AGPAT3: variants seen among roughly 807,000 people sequenced by gnomAD.
AGPAT3 encodes 1-acylglycerol-3-phosphate O-acyltransferase 3.
Under a neutral mutation model 47.3 loss-of-function variants are expected in AGPAT3, and 5 were observed. The observed-to-expected ratio is 0.11, with a 90% confidence interval of 0.06 to 0.22. The LOEUF (loss-of-function observed/expected upper bound fraction) is 0.22. AGPAT3 is among the 10% of genes least tolerant of loss of function. The probability of loss-of-function intolerance (pLI) is 1.00; values close to 1 mark genes in which losing one functional copy is unlikely to be tolerated. For missense variants in AGPAT3, 315 were observed against 493.0 expected (o/e 0.64, Z 3.42); for synonymous variants, 212 against 208.3 (o/e 1.02, Z -0.15).
intron 1 of AGPAT3, chr21:43,867,450 C>T (rs1018664601): frequency 5.9e-5 from 9 of 152,310 alleles, no homozygotes; most frequent in Non-Finnish European, 1.0e-4. Flanking sequence ...GAGGGGTGTC[C>T]TTAACTTGCC....
chr21:43,918,719 G>A (rs1323373939), intron 2 of AGPAT3, among the ~76,000 whole-genome samples: 1 of 151,926 alleles, frequency 6.6e-6, no homozygotes, highest in Non-Finnish European at 1.5e-5. Flanking sequence ...TGGAATTACA[G>A]GCGTGCGCCA....
rs1008594350 is a variant in AGPAT3, at chr21:43,987,199, C to A, written c.*4807C>A. ...CTGCATAGATGTCTCCAAGGGGAAA[C>A]CAGGGCCACCAGGCACTCCTGTCCC... On this transcript the variant is annotated 3_prime_UTR_variant, in exon 10 of 10. Coordinates refer to ENST00000291572, the MANE Select transcript of AGPAT3 (RefSeq NM_020132.5). Among the ~76,000 whole-genome samples the A allele has an allele frequency of 2.0e-5, 3 of 152,224 alleles. No individual in the cohort carries two copies. Among genetic ancestry groups the A allele is most frequent in the Admixed American group, 2.0e-4 (3 of 15,292 alleles).
chr21:43,865,365 C>A lies in AGPAT3; in HGVS notation c.-112+20C>A, dbSNP rs1191337244. The A allele has an allele frequency of 6.8e-6, 1 of 146,690 alleles. No homozygotes were observed. Among genetic ancestry groups the A allele is most frequent in the African/African-American group, 2.4e-5 (1 of 40,858 alleles). 9.1% of individuals were successfully genotyped at this position (146,690 alleles called of 1,614,324 possible). A position where few individuals can be genotyped will look rare whatever the true frequency, so the allele number is the denominator to read the frequency against. On this transcript the variant is annotated intron_variant, in intron 1 of 9. Transcript: ENST00000291572. Reference sequence around the variant, plus strand: ...CTGCAGGTGAGCACCGAGGCCCCCACCCGAGGTCGGGCCGCCCCCCTCTTC... The same window carrying A: ...CTGCAGGTGAGCACCGAGGCCCCCAACCGAGGTCGGGCCGCCCCCCTCTTC...
In AGPAT3 at chr21:43,881,225, G is replaced by A. The variant is rs144655806; in HGVS notation, c.-112+15880G>A. 5.1e-3 allele frequency among the ~76,000 whole-genome samples: 780 copies of A among 151,936 alleles called. 6 individuals carry two copies. The highest frequency in any genetic ancestry group is 0.017 in the African/African-American group (714 of 41,404). On this transcript the variant is annotated intron_variant, in intron 1 of 9. Transcript: ENST00000291572. ...TGATTACATTGTATTTTGGGGAGTG[G>A]GTCAATTTTTTCTTAAATTAAGAAA...
intron 1 of AGPAT3, among the ~76,000 whole-genome samples, chr21:43,895,208 G>A (rs929432989): frequency 2.6e-5 from 4 of 151,718 alleles, no homozygotes; most frequent in African/African-American, 4.8e-5. Context: ...GGGTTCAAGC[G>A]ATTCTCCTGC....
In AGPAT3 at chr21:43,934,873, C is replaced by T. The variant is rs1437952870; in HGVS notation, c.-48-24761C>T. ...ACATGCCACTCACATGCCATTGACACGCCACCCACGCCACTCACATGCCAC... is the reference window on the plus strand; with the variant it reads ...ACATGCCACTCACATGCCATTGACATGCCACCCACGCCACTCACATGCCAC... On this transcript the variant is annotated intron_variant, in intron 2 of 9. Coordinates refer to ENST00000291572, the MANE Select transcript of AGPAT3 (RefSeq NM_020132.5). The surrounding 1 kb of genome is among the most constrained non-coding windows in gnomAD (Gnocchi z 4.7). Among the ~76,000 whole-genome samples the T allele has an allele frequency of 1.3e-4, 20 of 151,394 alleles. No individual in the cohort carries two copies. Among genetic ancestry groups the T allele is most frequent in the Admixed American group, 7.9e-4 (12 of 15,200 alleles).
chr21:43,955,828 C>G lies in AGPAT3; in HGVS notation c.-48-3806C>G, dbSNP rs1255673372. Among the ~76,000 whole-genome samples the G allele has an allele frequency of 6.6e-6, 1 of 151,744 alleles. No homozygotes were observed. Among genetic ancestry groups the G allele is most frequent in the Non-Finnish European group, 1.5e-5 (1 of 67,958 alleles). ...GGCTGAGGCATGAGAATTGCTTGAA[C>G]CCAGGAAGCTGCAGTGAGCCAAGAT... On this transcript the variant is annotated intron_variant, in intron 2 of 9. Transcript: ENST00000291572. The surrounding 1 kb of genome is among the most constrained non-coding windows in gnomAD (Gnocchi z 4.1).
At chr21:43,941,830 G>C (rs1361733825) in intron 2 of AGPAT3, among the ~76,000 whole-genome samples, 1 of 152,278 alleles carries the variant, frequency 6.6e-6, no homozygotes, top group Non-Finnish European at 1.5e-5. Flanking sequence ...ATTCGTGGCT[G>C]AGCTATGCAG....
At chr21:43,940,923 C>T (rs559956923) in intron 2 of AGPAT3, among the ~76,000 whole-genome samples, 5 of 152,336 alleles carry the variant, frequency 3.3e-5, no homozygotes, top group East Asian at 1.9e-4. Context: ...GTCCCAACCC[C>T]GCTGTGTCTC....
At chr21:43,964,266 T>G (rs1182657660) in intron 3 of AGPAT3, among the ~76,000 whole-genome samples, 1 of 152,054 alleles carries the variant, frequency 6.6e-6, no homozygotes, top group Non-Finnish European at 1.5e-5. Flanking sequence ...GCACCTGTGA[T>G]CCCAGCTCCT....
In AGPAT3 at chr21:43,902,384, GA is replaced by G. The variant is rs2086377379; in HGVS notation, c.-111-1569del. On this transcript the variant is annotated intron_variant, in intron 1 of 9. Coordinates refer to ENST00000291572, the MANE Select transcript of AGPAT3 (RefSeq NM_020132.5). ...AGTTAGAACTGTAAGATTAATAGGGGAAAATATGCGATATATACACTGTCTT... is the reference window on the plus strand; with the variant it reads ...AGTTAGAACTGTAAGATTAATAGGGGAAATATGCGATATATACACTGTCTT... Among the ~76,000 whole-genome samples, 4 of 152,196 alleles carry G rather than the reference GA, an allele frequency of 2.6e-5. No individual in the cohort carries two copies. The South Asian group carries it at 8.3e-4, about 31-fold the overall frequency.
chr21:43,900,047 C>T (rs1238563089), intron 1 of AGPAT3, among the ~76,000 whole-genome samples: 2 of 152,164 alleles, frequency 1.3e-5, no homozygotes, highest in African/African-American at 4.8e-5. Flanking sequence ...AGAAAATGTA[C>T]TTTGAGTGAG....
intron 7 of AGPAT3, among the ~76,000 whole-genome samples, chr21:43,976,331 C>A (rs1417741063): frequency 6.6e-6 from 1 of 151,738 alleles, no homozygotes; most frequent in Non-Finnish European, 1.5e-5. Flanking sequence ...TCTCGAGTAG[C>A]TGGGATTACA....
chr21:43,906,564 G>A (rs893438043), intron 2 of AGPAT3, among the ~76,000 whole-genome samples: 3 of 152,160 alleles, frequency 2.0e-5, no homozygotes, highest in African/African-American at 7.2e-5. Flanking sequence ...ATGAGGAGGT[G>A]GGATGGGGCG....
At chr21:43,865,580 C>G (rs971287891) in intron 1 of AGPAT3, among the ~76,000 whole-genome samples, 21 of 149,948 alleles carry the variant, frequency 1.4e-4, no homozygotes, top group Non-Finnish European at 3.0e-4. Context: ...CCCCCGCAAC[C>G]CCGGCCTCCC....
chr21:43,958,748 G>T (rs1232780995), intron 2 of AGPAT3, among the ~76,000 whole-genome samples: 3 of 107,388 alleles, frequency 2.8e-5, no homozygotes, highest in Non-Finnish European at 5.7e-5. Flanking sequence ...TGTGTGGTTT[G>T]CAGTGTGTAG....
intron 1 of AGPAT3, among the ~76,000 whole-genome samples, chr21:43,885,219 AGGCCTG>A (rs1013457152): frequency 1.3e-5 from 2 of 152,214 alleles, no homozygotes; most frequent in Admixed American, 1.3e-4. Context: ...TGGGTGCAGG[AGGCCTG>A]GGCCTGGGCC....
chr21:43,977,447 G>C (rs533731162), intron 7 of AGPAT3, among the ~76,000 whole-genome samples: 1 of 152,196 alleles, frequency 6.6e-6, no homozygotes, highest in Admixed American at 6.5e-5. Context: ...TAAATCACTC[G>C]TGGGCACCCT....
Position 43,975,892 on chromosome 21 carries a change from G to A in AGPAT3, c.768-2154G>A, listed in dbSNP as rs554252754. Among the ~76,000 whole-genome samples, 8 of 152,178 alleles carry A rather than the reference G, an allele frequency of 5.3e-5. No individual in the cohort carries two copies. The South Asian group carries it at 8.3e-4, about 16-fold the overall frequency. On this transcript the variant is annotated intron_variant, in intron 7 of 9. Coordinates refer to ENST00000291572, the MANE Select transcript of AGPAT3 (RefSeq NM_020132.5). ...TTAGCAAAGTGATTCTCTGACGGCC[G>A]TCGCAGGGAAGAGGCAGCATTGAGC...
Sources: gnomAD v4.1 joint callset for allele counts (sites outside exome capture counted in the v4.1 genomes callset) on GRCh38, gnomAD v4.1.1 for gene constraint, Gnocchi (gnomAD v3.1) non-coding constraint, MANE v1.5 for transcripts, NCBI Gene and HGNC (gene_info 2026-07-23, HGNC 2026-07-21) for gene names.